The following LRCH1 variants were observed in gnomAD, a reference collection of about 807,000 sequenced individuals.
LRCH1 encodes leucine-rich repeat and calponin homology domain-containing protein 1.
Under a neutral mutation model 94.9 loss-of-function variants are expected in LRCH1, and 23 were observed. The observed-to-expected ratio is 0.24, with a 90% confidence interval of 0.17 to 0.34. LRCH1 has a LOEUF of 0.34. LRCH1 is among the 10% of genes least tolerant of loss of function. The pLI is 1.00. For missense variants in LRCH1, 790 were observed against 945.9 expected (o/e 0.84, Z 2.16); for synonymous variants, 364 against 354.9 (o/e 1.03, Z -0.29).
chr13:46,628,840 C>G (rs1471446240), intron 1 of LRCH1, among the ~76,000 whole-genome samples: 1 of 152,102 alleles, frequency 6.6e-6, no homozygotes, highest in Non-Finnish European at 1.5e-5. Flanking sequence ...GATGAACCAA[C>G]TCCTGAGTTA....
At chr13:46,628,439 C>A (rs2050976976) in intron 1 of LRCH1, among the ~76,000 whole-genome samples, 1 of 151,988 alleles carries the variant, frequency 6.6e-6, no homozygotes, top group South Asian at 2.1e-4. Flanking sequence ...AGTTCGAGAC[C>A]TGACCTTTAA....
chr13:46,557,505 T>C, intron 1 of LRCH1, among the ~76,000 whole-genome samples: 1 of 88,088 alleles, frequency 1.1e-5, no homozygotes, highest in Non-Finnish European at 3.0e-5. Flanking sequence ...CCCAGGAGTT[T>C]GAGAACGGTC....
rs76513325 is a variant in LRCH1, at chr13:46,611,917, G to A, written c.308-38284G>A. The stretch of plus-strand genomic sequence containing the variant: ...AGGAAAAGATCATAGGGCACCATTT[G>A]CCATTGTTGTCAGTATGTGGCTTTC... On this transcript the variant is annotated intron_variant, in intron 1 of 19. Transcript: ENST00000389797. 3.0e-4 allele frequency among the ~76,000 whole-genome samples: 45 copies of A among 152,274 alleles called. 2 individuals are homozygous for A. The East Asian group carries it at 7.5e-3, about 25-fold the overall frequency.
intron 16 of LRCH1, 35 bp from the exon 17 acceptor site, chr13:46,723,186 C>T: frequency 8.1e-7 from 1 of 1,241,090 alleles, no homozygotes; most frequent in Non-Finnish European, 1.2e-6. Context: ...TGACAAGGCA[C>T]TATATAAAGG....
chr13:46,692,715 A>C, intron 8 of LRCH1, 74 bp downstream of exon 8: 1 of 1,067,550 alleles, frequency 9.4e-7, no homozygotes, highest in East Asian at 2.4e-5. Context: ...ACCTGTGCAC[A>C]GATAGGGCAG....
intron 1 of LRCH1, among the ~76,000 whole-genome samples, chr13:46,594,787 T>C (rs1039471068): frequency 2.0e-5 from 3 of 152,222 alleles, no homozygotes; most frequent in Admixed American, 6.5e-5. Flanking sequence ...TTCAAATGTA[T>C]GGTTAGTGCT....
At chr13:46,660,129 G>A (rs901252921) in intron 2 of LRCH1, among the ~76,000 whole-genome samples, 9 of 137,912 alleles carry the variant, frequency 6.5e-5, no homozygotes, top group Admixed American at 1.7e-4. Context: ...CTCCTGCCTC[G>A]GCCTCCCTAG....
chr13:46,560,510 C>T (rs2050118723), intron 1 of LRCH1, among the ~76,000 whole-genome samples: 1 of 152,042 alleles, frequency 6.6e-6, no homozygotes, highest in African/African-American at 2.4e-5. Context: ...GTGTTAATTG[C>T]AGTGATTATT....
intron 1 of LRCH1, among the ~76,000 whole-genome samples, chr13:46,575,132 C>T (rs527364649): frequency 6.6e-6 from 1 of 152,248 alleles, no homozygotes; most frequent in African/African-American, 2.4e-5. Context: ...AGGGTCCAGC[C>T]TTCCTTTCAT....
intron 8 of LRCH1, among the ~76,000 whole-genome samples, chr13:46,694,110 C>A (rs1426438675): frequency 6.6e-6 from 1 of 152,128 alleles, no homozygotes; most frequent in Non-Finnish European, 1.5e-5. Flanking sequence ...TAATATTATA[C>A]ACTGTAGGAG....
chr13:46,703,059 C>T (rs887317628), intron 11 of LRCH1, among the ~76,000 whole-genome samples: 11 of 152,138 alleles, frequency 7.2e-5, no homozygotes, highest in Non-Finnish European at 1.5e-4. Context: ...GGCACCTAAT[C>T]AAGGTATGTT....
chr13:46,640,082 A>G (rs1428111369), intron 1 of LRCH1, among the ~76,000 whole-genome samples: 1 of 152,244 alleles, frequency 6.6e-6, no homozygotes, highest in Non-Finnish European at 1.5e-5. Context: ...AGATACATTG[A>G]TCATTGAATG....
chr13:46,597,386 T>C (rs1337712064), intron 1 of LRCH1, among the ~76,000 whole-genome samples: 4 of 152,060 alleles, frequency 2.6e-5, no homozygotes, highest in Non-Finnish European at 5.9e-5. Context: ...GATGGAGTCT[T>C]ACTCTTGTCG....
rs2050439925 is a variant in LRCH1 at position 46,586,778 on chromosome 13, G to A, written c.307+33075G>A. Among the ~76,000 whole-genome samples, 5 of 152,348 alleles carry A rather than the reference G, an allele frequency of 3.3e-5. No individual in the cohort carries two copies. In the South Asian group the frequency reaches 1.0e-3, roughly 32 times the overall value. Reference sequence around the variant, plus strand: ...AAGGAATGATACTTCAGCTTTAACAGTGAGGGGTAGGCGCCAGGATCAGGT... The same window carrying A: ...AAGGAATGATACTTCAGCTTTAACAATGAGGGGTAGGCGCCAGGATCAGGT... On this transcript the variant is annotated intron_variant, in intron 1 of 19. Transcript: ENST00000389797.
intron 1 of LRCH1, among the ~76,000 whole-genome samples, chr13:46,649,091 A>G (rs1416677931): frequency 2.6e-5 from 4 of 152,214 alleles, no homozygotes; most frequent in Non-Finnish European, 5.9e-5. Context: ...CTCTGAAGCT[A>G]TCTCATCCTG....
intron 1 of LRCH1, among the ~76,000 whole-genome samples, chr13:46,586,380 T>A (rs2050435465): frequency 6.6e-6 from 1 of 152,202 alleles, no homozygotes; most frequent in Non-Finnish European, 1.5e-5. Context: ...ATAGCAAGGC[T>A]GAGGGGAGCA....
chr13:46,636,338 C>T (rs993099105), intron 1 of LRCH1, among the ~76,000 whole-genome samples: 2 of 152,116 alleles, frequency 1.3e-5, no homozygotes, highest in Non-Finnish European at 1.5e-5. Flanking sequence ...TCCCAAAGTG[C>T]CAGGATTACA....
At chr13:46,604,186 G>A (rs1359270718) in intron 1 of LRCH1, among the ~76,000 whole-genome samples, 1 of 152,084 alleles carries the variant, frequency 6.6e-6, no homozygotes, top group East Asian at 1.9e-4. Flanking sequence ...CAATATTTGA[G>A]ACATACTTAT....
At chr13:46,751,250 G>A (rs1247476823) in exon 19 of LRCH1, 1 of 151,946 alleles carries the variant, frequency 6.6e-6, no homozygotes, top group Non-Finnish European at 1.5e-5. Context: ...TAAATGTTGA[G>A]TTATTTTCTA....
Sources: allele counts gnomAD v4.1 joint callset (sites outside exome capture counted in the v4.1 genomes callset), GRCh38; gene constraint gnomAD v4.1.1; transcripts MANE v1.5; gene names NCBI Gene and HGNC (gene_info 2026-07-23, HGNC 2026-07-21).